DAB1: variants seen among roughly 807,000 people sequenced by gnomAD.
DAB1 encodes disabled homolog 1.
Under a neutral mutation model 64.6 loss-of-function variants are expected in DAB1, and 15 were observed. The observed-to-expected ratio is 0.23, with a 90% CI of 0.16 to 0.36. The LOEUF (loss-of-function observed/expected upper bound fraction) is 0.36, where lower values mean the gene tolerates loss of function less well. Among genes scored for constraint, DAB1 ranks in the 10% least tolerant of loss-of-function variants. The probability of loss-of-function intolerance (pLI) is 1.00; values close to 1 mark genes in which losing one functional copy is unlikely to be tolerated. For missense variants in DAB1, 596 were observed against 706.7 expected, an observed-to-expected ratio of 0.84 and a Z score of 1.78; for synonymous variants, 235 against 251.9, an observed-to-expected ratio of 0.93 and a Z score of 0.64.
chr1:57,736,986 G>A (rs573919692), intron 6 of DAB1, among the ~76,000 whole-genome samples: 3 of 152,290 alleles, frequency 2.0e-5, no homozygotes, highest in African/African-American at 7.2e-5. Context: ...AATAACAAGA[G>A]CTGGGAGCCC....
chr1:58,545,609 G>GA (rs1234176472), intron 1 of DAB1, among the ~76,000 whole-genome samples: 1 of 152,158 alleles, frequency 6.6e-6, no homozygotes, highest in Non-Finnish European at 1.5e-5. Flanking sequence ...AATGATGTGA[G>GA]AAAATTAAAC....
chr1:57,312,172 G>T (rs1674770960), intron 1 of DAB1, among the ~76,000 whole-genome samples: 1 of 152,078 alleles, frequency 6.6e-6, no homozygotes, highest in African/African-American at 2.4e-5. Flanking sequence ...CCCTTAACTT[G>T]GGGTCTCTCC....
intron 7 of DAB1, among the ~76,000 whole-genome samples, chr1:57,627,337 G>A (rs755028205): frequency 6.6e-6 from 1 of 152,134 alleles, no homozygotes; most frequent in Non-Finnish European, 1.5e-5. Context: ...ATAATGGTGT[G>A]ACCCAATTCT....
At chr1:57,137,278 T>C (rs1658209038) in intron 3 of DAB1, among the ~76,000 whole-genome samples, 1 of 152,186 alleles carries the variant, frequency 6.6e-6, no homozygotes, top group African/African-American at 2.4e-5. Flanking sequence ...GTCTCAAATG[T>C]TTTATAAGCC....
At chr1:57,612,817 A>G (rs1645744439) in intron 7 of DAB1, among the ~76,000 whole-genome samples, 1 of 152,158 alleles carries the variant, frequency 6.6e-6, no homozygotes, top group South Asian at 2.1e-4. Flanking sequence ...TAAACTGTAA[A>G]CTTTATAAAT....
At chr1:57,565,235 T>C (rs1036333406) in intron 7 of DAB1, among the ~76,000 whole-genome samples, 5 of 152,134 alleles carry the variant, frequency 3.3e-5, no homozygotes, top group Non-Finnish European at 7.3e-5. Flanking sequence ...AGAGATTTTG[T>C]CATCACCAGG....
chr1:57,595,966 T>C (rs554247405), intron 7 of DAB1, among the ~76,000 whole-genome samples: 1 of 152,318 alleles, frequency 6.6e-6, no homozygotes, highest in Admixed American at 6.5e-5. Context: ...TAAGCCTCTC[T>C]TCTTTATAAA....
At chr1:57,221,480 G>A (rs1483203061) in intron 2 of DAB1, among the ~76,000 whole-genome samples, 1 of 150,632 alleles carries the variant, frequency 6.6e-6, no homozygotes, top group Admixed American at 6.6e-5. Flanking sequence ...TCACCTGATA[G>A]CGACATTTCT....
intron 4 of DAB1, among the ~76,000 whole-genome samples, chr1:57,097,559 A>G (rs1760207): frequency 0.61 from 92,542 of 151,348 alleles, 28,818 homozygotes; most frequent in East Asian, 0.85. Flanking sequence ...TGGTTATGAC[A>G]CAGGCAGCAA....
At chr1:57,348,814 C>G (rs1431655303) in intron 1 of DAB1, among the ~76,000 whole-genome samples, 1 of 152,134 alleles carries the variant, frequency 6.6e-6, no homozygotes, top group Non-Finnish European at 1.5e-5. Flanking sequence ...GTCTAGCCCT[C>G]TACACGTGGT....
Position 57,328,560 on chromosome 1 carries a change from G to A in DAB1, c.-136-37394C>T, listed in dbSNP as rs146460727. Reference sequence around the variant, plus strand: ...ATACCTTATTAAATTGTGTGTCCATGTCATTGCCTTGGTCACATTTACTTC... The same window carrying A: ...ATACCTTATTAAATTGTGTGTCCATATCATTGCCTTGGTCACATTTACTTC... On this transcript the variant is annotated intron_variant, in intron 1 of 14. Coordinates refer to ENST00000371236, the MANE Select transcript of DAB1 (RefSeq NM_001365792.1). Among the ~76,000 whole-genome samples, 889 of 152,302 alleles carry A rather than the reference G, an allele frequency of 5.8e-3. 8 individuals carry two copies. The highest frequency in any genetic ancestry group is 0.02 in the African/African-American group (846 of 41,576).
At position 57,766,928 on chromosome 1, in the gene DAB1, G is replaced by A. The variant is rs142373833; in HGVS notation, n.551+117071C>T. Among the ~76,000 whole-genome samples, 111 of 152,182 alleles carry A rather than the reference G, an allele frequency of 7.3e-4. 1 individual carries two copies. The highest frequency in any genetic ancestry group is 2.6e-3 in the African/African-American group (108 of 41,534). On this transcript the variant is annotated intron_variant and non_coding_transcript_variant, in intron 6 of 20. Coordinates refer to the DAB1 transcript ENST00000485760. ...AAAAGCACTTTACTTACAGTTACCA[G>A]GTTATTATAAATGATACAACTTAGG...
rs1553199598 is a variant in DAB1 at position 57,606,795 on chromosome 1, T to TATATGG, written n.625+42796_625+42797insCCATAT. 2.3e-5 allele frequency among the ~76,000 whole-genome samples: 3 copies of TATATGG among 133,168 alleles called. No individual in the cohort carries two copies. The East Asian group carries it at 6.2e-4, about 28-fold the overall frequency. 87.4% of individuals were successfully genotyped at this position (133,168 alleles called of 152,430 possible). On this transcript the variant is annotated intron_variant and non_coding_transcript_variant, in intron 7 of 20. Coordinates refer to the DAB1 transcript ENST00000485760. ...TAAATATATTTTATACATATATATATAGAGAGAGAGAGAGACAGATTTTCA... is the reference window on the plus strand; with the variant it reads ...TAAATATATTTTATACATATATATATATATGGAGAGAGAGAGAGAGACAGATTTTCA...
chr1:57,413,826 T>C (rs1292505845), intron 1 of DAB1, among the ~76,000 whole-genome samples: 1 of 150,816 alleles, frequency 6.6e-6, no homozygotes, highest in Non-Finnish European at 1.5e-5. Flanking sequence ...AGTCTAAATA[T>C]CAACATTAAT....
intron 1 of DAB1, among the ~76,000 whole-genome samples, chr1:57,394,773 G>A (rs1682667912): frequency 6.6e-6 from 1 of 152,158 alleles, no homozygotes; most frequent in Non-Finnish European, 1.5e-5. Context: ...GCCTTTAACT[G>A]TGCATTGAGA....
chr1:57,421,495 A>G (rs1302962657), intron 1 of DAB1, among the ~76,000 whole-genome samples: 2 of 152,148 alleles, frequency 1.3e-5, no homozygotes, highest in East Asian at 1.9e-4. Context: ...CCTACTTGAT[A>G]GCAGCACCGT....
chr1:57,926,506 A>C (rs191723390), intron 5 of DAB1, among the ~76,000 whole-genome samples: 1 of 152,310 alleles, frequency 6.6e-6, no homozygotes, highest in Admixed American at 6.5e-5. Flanking sequence ...TGGAGTCTCA[A>C]TATGCCTCTG....
chr1:58,311,405 A>AAAC (rs1662425499), intron 4 of DAB1, among the ~76,000 whole-genome samples: 1 of 151,738 alleles, frequency 6.6e-6, no homozygotes, highest in Non-Finnish European at 1.5e-5. Flanking sequence ...CTCCTAATAA[A>AAAC]AATAATACCA....
intron 7 of DAB1, among the ~76,000 whole-genome samples, chr1:57,494,146 A>C (rs1230789986): frequency 1.3e-5 from 2 of 152,200 alleles, no homozygotes; most frequent in Non-Finnish European, 2.9e-5. Context: ...TTCAATTATA[A>C]TAAGTCAATT....
Sources: allele counts gnomAD v4.1 joint callset (sites outside exome capture counted in the v4.1 genomes callset), GRCh38; gene constraint gnomAD v4.1.1; transcripts MANE v1.5; gene names NCBI Gene and HGNC (gene_info 2026-07-23, HGNC 2026-07-21).